The following BLTP3A variants were observed in gnomAD, a reference collection of about 807,000 sequenced individuals.
The protein encoded by BLTP3A is bridge-like lipid transfer protein family member 3A, also known as ICBP90 binding protein 1.
At chr6:34,828,248 C>T in the BLTP3A span, among the ~76,000 whole-genome samples, 1 of 151,764 alleles carries the variant, frequency 6.6e-6, no homozygotes, top group Admixed American at 6.6e-5. Flanking sequence ...GTCAGGAGTT[C>T]AAGACCAGTC....
At chr6:34,871,287 A>G in the BLTP3A span, among the ~76,000 whole-genome samples, 8 of 152,168 alleles carry the variant, frequency 5.3e-5, no homozygotes, top group African/African-American at 1.7e-4. Context: ...TGTCAGTGTT[A>G]TAGTGGTATA....
the BLTP3A span, chr6:34,872,537 C>T: frequency 4.5e-5 from 63 of 1,412,596 alleles, no homozygotes; most frequent in East Asian, 1.2e-4. Flanking sequence ...TAAGTCACTA[C>T]GGATGCCAGA....
the BLTP3A span, among the ~76,000 whole-genome samples, chr6:34,821,078 T>C: frequency 1.3e-5 from 2 of 151,998 alleles, no homozygotes; most frequent in African/African-American, 2.4e-5. Context: ...TGCCTCAGCC[T>C]CTGGAGGAGC....
chr6:34,823,490 C>G, the BLTP3A span: 1 of 630,116 alleles, frequency 1.6e-6, no homozygotes. Flanking sequence ...TCCATATACC[C>G]AAGATCTAAT....
At chr6:34,823,291 G>A in the BLTP3A span, 1 of 1,614,126 alleles carries the variant, frequency 6.2e-7, no homozygotes, top group Non-Finnish European at 8.5e-7. Flanking sequence ...ATGAAGACAT[G>A]TGAGGATCCT....
At chr6:34,848,540 A>G in the BLTP3A span, among the ~76,000 whole-genome samples, 1 of 150,312 alleles carries the variant, frequency 6.7e-6, no homozygotes, top group Non-Finnish European at 1.5e-5. Flanking sequence ...CGGGAGGTGG[A>G]GGTTGCAGTG....
chr6:34,813,471 A>G, the BLTP3A span, among the ~76,000 whole-genome samples: 1 of 152,218 alleles, frequency 6.6e-6, no homozygotes. Flanking sequence ...GGCACATTGC[A>G]ATCCTCTGGC....
At chr6:34,823,483 A>G in the BLTP3A span, 8 of 655,598 alleles carry the variant, frequency 1.2e-5, no homozygotes, top group Admixed American at 5.5e-5. Context: ...AAGAACCTCC[A>G]TATACCCAAG....
the BLTP3A span, among the ~76,000 whole-genome samples, chr6:34,846,898 G>C: frequency 3.3e-5 from 5 of 152,156 alleles, no homozygotes; most frequent in East Asian, 9.6e-4. Flanking sequence ...AATAGGTACA[G>C]GTCTGTTGTA....
chr6:34,868,936 A>T, the BLTP3A span, among the ~76,000 whole-genome samples: 1 of 152,048 alleles, frequency 6.6e-6, no homozygotes, highest in Non-Finnish European at 1.5e-5. Flanking sequence ...AACACTTATA[A>T]AATATATGTA....
At chr6:34,822,429 A>C in the BLTP3A span, among the ~76,000 whole-genome samples, 4 of 151,886 alleles carry the variant, frequency 2.6e-5, no homozygotes, top group African/African-American at 9.7e-5. Flanking sequence ...AATAGAGACG[A>C]GGTTTTGCCA....
At chr6:34,832,487 G>A in the BLTP3A span, among the ~76,000 whole-genome samples, 1 of 150,504 alleles carries the variant, frequency 6.6e-6, no homozygotes, top group African/African-American at 2.5e-5. Context: ...CCTGGCTTGA[G>A]TGCAGTGGCG....
the BLTP3A span, among the ~76,000 whole-genome samples, chr6:34,817,868 T>TG: frequency 1.4e-4 from 14 of 99,372 alleles, no homozygotes; most frequent in East Asian, 2.5e-4. Flanking sequence ...TTTTTTTTTT[T>TG]GGGGGGGTGG....
chr6:34,823,249 T>C, the BLTP3A span: 4 of 1,612,172 alleles, frequency 2.5e-6, no homozygotes, highest in African/African-American at 4.0e-5. Flanking sequence ...CCTTGACTTC[T>C]ATTTCAGTGT....
At chr6:34,806,674 C>G in the BLTP3A span, among the ~76,000 whole-genome samples, 5 of 152,128 alleles carry the variant, frequency 3.3e-5, no homozygotes, top group African/African-American at 7.2e-5. Flanking sequence ...TTCTCCCCCC[C>G]TCCCCAAGAT....
the BLTP3A span, chr6:34,821,912 T>G: frequency 6.2e-7 from 1 of 1,614,236 alleles, no homozygotes; most frequent in Non-Finnish European, 8.5e-7. Context: ...GCTTTCCTCT[T>G]TCAGATCCAG....
the BLTP3A span, among the ~76,000 whole-genome samples, chr6:34,824,693 CAG>C: frequency 1.3e-5 from 2 of 150,670 alleles, no homozygotes; most frequent in East Asian, 2.0e-4. Flanking sequence ...GGTTTTGAGA[CAG>C]GGTCTCGCTC....
chr6:34,792,244 C>T, the BLTP3A span: 1 of 1,537,290 alleles, frequency 6.5e-7, no homozygotes, highest in South Asian at 1.2e-5. Flanking sequence ...CGGGCCGCGG[C>T]TCCGGCATGG....
chr6:34,846,482 A>C, the BLTP3A span, among the ~76,000 whole-genome samples: 3 of 151,958 alleles, frequency 2.0e-5, no homozygotes, highest in Non-Finnish European at 4.4e-5. Flanking sequence ...TGTTATAGAG[A>C]TCTTTCACTT....
Sources: allele counts gnomAD v4.1 joint callset (sites outside exome capture counted in the v4.1 genomes callset), GRCh38; gene constraint gnomAD v4.1.1; transcripts MANE v1.5; gene names NCBI Gene and HGNC (gene_info 2026-07-23, HGNC 2026-07-21).